The following PLSCR4 variants were observed in gnomAD, a reference collection of about 807,000 sequenced individuals.
The protein encoded by PLSCR4 is phospholipid scramblase 4.
PLSCR4 carries 25 observed loss-of-function variants against 36.3 expected under a neutral mutation model. The ratio of observed to expected loss-of-function variants is 0.69; its 90% CI spans 0.50 to 0.96. The LOEUF (loss-of-function observed/expected upper bound fraction) is 0.96, where lower values mean the gene tolerates loss of function less well. Among genes scored for constraint, PLSCR4 ranks in the 40% least tolerant of loss-of-function variants. The pLI is 0.00. For missense variants in PLSCR4, 408 were observed against 414.7 expected (o/e 0.98, Z 0.14); for synonymous variants, 122 against 132.9 (o/e 0.92, Z 0.56).
At chr3:146,194,599 C>A (rs768872722) in intron 8 of PLSCR4, 144 bp from the exon 9 acceptor site, 5 of 569,048 alleles carry the variant, frequency 8.8e-6, no homozygotes, top group Non-Finnish European at 1.5e-5. Flanking sequence ...AGAGCACCTA[C>A]TGTGAAGAGC....
chr3:146,227,286 C>A (rs1009117366), intron 1 of PLSCR4, among the ~76,000 whole-genome samples: 4 of 152,084 alleles, frequency 2.6e-5, no homozygotes, highest in African/African-American at 9.7e-5. Context: ...GCATGATATG[C>A]ATACAGGGGA....
chr3:146,200,041 T>A lies in PLSCR4; in HGVS notation c.398-2A>T. 6.7e-7 allele frequency: 1 copy of A among 1,492,646 alleles called. No homozygotes were observed. Among genetic ancestry groups the A allele is most frequent in the Non-Finnish European group, 9.3e-7 (1 of 1,071,964 alleles). The allele number at this position is 1,492,646 out of a possible 1,614,324, so 92.5% of individuals were successfully genotyped here. On this transcript the variant is annotated splice_acceptor_variant, in intron 5 of 8. Transcript: ENST00000354952. LOFTEE classifies it high-confidence loss of function. Reference sequence around the variant, plus strand: ...TATTAGTTTCAAAACATGTCATCACTAAAAAATAAAATGAGTAAGTCTATA... The same window carrying A: ...TATTAGTTTCAAAACATGTCATCACAAAAAAATAAAATGAGTAAGTCTATA...
chr3:146,212,734 G>T (rs576280025), intron 3 of PLSCR4, among the ~76,000 whole-genome samples: 1 of 152,184 alleles, frequency 6.6e-6, no homozygotes, highest in South Asian at 2.1e-4. Flanking sequence ...GCTCTGGCTA[G>T]AACTTCCAGT....
At chr3:146,194,865 TG>T (rs1236296578) in intron 8 of PLSCR4, among the ~76,000 whole-genome samples, 2 of 152,202 alleles carry the variant, frequency 1.3e-5, no homozygotes, top group African/African-American at 4.8e-5. Context: ...GGATACCTAA[TG>T]TTATCTAAGT....
chr3:146,250,928 T>A (rs1192805390), intron 1 of PLSCR4, 32 bp downstream of exon 1: 1 of 152,206 alleles, frequency 6.6e-6, no homozygotes, highest in African/African-American at 2.4e-5. Flanking sequence ...CACCCTGTCC[T>A]GCTCTGCGCC....
intron 1 of PLSCR4, among the ~76,000 whole-genome samples, chr3:146,230,953 T>C (rs1040614526): frequency 1.3e-5 from 2 of 152,148 alleles, no homozygotes; most frequent in African/African-American, 4.8e-5. Context: ...GGTGTACAAA[T>C]GACTTCATCA....
At chr3:146,244,601 C>T (rs767907639) in intron 1 of PLSCR4, among the ~76,000 whole-genome samples, 3 of 151,968 alleles carry the variant, frequency 2.0e-5, no homozygotes, top group Non-Finnish European at 4.4e-5. Flanking sequence ...ACCCCATGAA[C>T]CATGCCTATA....
Position 146,206,774 on chromosome 3 carries a change from G to C in PLSCR4, c.119-13C>G, listed in dbSNP as rs1046780386. On this transcript the variant is annotated splice_polypyrimidine_tract_variant and intron_variant, in intron 3 of 8. Transcript: ENST00000354952. Reference sequence around the variant, plus strand: ...GTTCCAGGGGGTCCTGTGTTCAAAAGAAATCAAAGTGTTATATATTATTAA... The same window carrying C: ...GTTCCAGGGGGTCCTGTGTTCAAAACAAATCAAAGTGTTATATATTATTAA... 6 of 1,508,206 alleles carry C rather than the reference G, an allele frequency of 4.0e-6. No homozygotes were observed. In the African/African-American group the frequency reaches 7.0e-5, roughly 17 times the overall value. 93.4% of individuals were successfully genotyped at this position (1,508,206 alleles called of 1,614,324 possible). A position where few individuals can be genotyped will look rare whatever the true frequency, so the allele number is the denominator to read the frequency against.
chr3:146,199,578 A>G (rs905333343), intron 6 of PLSCR4, among the ~76,000 whole-genome samples: 4 of 152,152 alleles, frequency 2.6e-5, no homozygotes, highest in African/African-American at 7.2e-5. Context: ...TTGACTACAC[A>G]TATGTCAATT....
At chr3:146,223,896 T>A (rs1019735858) in intron 1 of PLSCR4, 2 of 147,294 alleles carry the variant, frequency 1.4e-5, no homozygotes, top group Non-Finnish European at 3.0e-5. Flanking sequence ...TACATTTATA[T>A]TTTAAATATA....
intron 3 of PLSCR4, among the ~76,000 whole-genome samples, chr3:146,212,543 T>C (rs1336712815): frequency 1.3e-5 from 2 of 150,830 alleles, no homozygotes; most frequent in Non-Finnish European, 3.0e-5. Flanking sequence ...CTCAAATCCC[T>C]GGACTCAATT....
At chr3:146,248,834 T>C (rs2036442447) in intron 1 of PLSCR4, among the ~76,000 whole-genome samples, 1 of 152,200 alleles carries the variant, frequency 6.6e-6, no homozygotes, top group African/African-American at 2.4e-5. Context: ...CCAATTCACA[T>C]TTCCACTAAA....
intron 6 of PLSCR4, among the ~76,000 whole-genome samples, chr3:146,198,897 A>T (rs1413491541): frequency 2.0e-5 from 3 of 152,158 alleles, no homozygotes; most frequent in Non-Finnish European, 4.4e-5. Context: ...ATAACAAAGG[A>T]GTAAGATTTC....
At chr3:146,225,246 T>C (rs2108304556) in intron 1 of PLSCR4, among the ~76,000 whole-genome samples, 1 of 152,268 alleles carries the variant, frequency 6.6e-6, no homozygotes, top group East Asian at 1.9e-4. Flanking sequence ...TTACAGAGTG[T>C]CCATTGGTGC....
At chr3:146,249,560 T>C (rs1053638153) in intron 1 of PLSCR4, among the ~76,000 whole-genome samples, 4 of 151,630 alleles carry the variant, frequency 2.6e-5, no homozygotes, top group Non-Finnish European at 2.9e-5. Context: ...TTTTATTATA[T>C]GAAGAAGTCT....
chr3:146,225,788 G>A (rs544968690), intron 1 of PLSCR4, among the ~76,000 whole-genome samples: 98 of 152,284 alleles, frequency 6.4e-4, no homozygotes, highest in Non-Finnish European at 1.2e-3. Flanking sequence ...CGCCGCACGC[G>A]GTTGCCGCTG....
intron 1 of PLSCR4, among the ~76,000 whole-genome samples, chr3:146,234,212 C>G (rs765208630): frequency 6.6e-6 from 1 of 152,060 alleles, no homozygotes; most frequent in African/African-American, 2.4e-5. Context: ...ACATTTTTCT[C>G]TGGTATCCCT....
chr3:146,214,365 C>T (rs1419017259), intron 3 of PLSCR4, among the ~76,000 whole-genome samples: 1 of 9,902 alleles, frequency 1.0e-4, no homozygotes, highest in Non-Finnish European at 2.9e-4. Flanking sequence ...CCTCGTGATC[C>T]GCCCGCCTTG....
Position 146,192,503 on chromosome 3 carries a change from A to G in PLSCR4, c.*1908T>C, listed in dbSNP as rs2033443341. 1 of 151,480 alleles carries G rather than the reference A, an allele frequency of 6.6e-6. No homozygotes were observed. Among genetic ancestry groups the G allele is most frequent in the African/African-American group, 2.4e-5 (1 of 41,378 alleles). 9.4% of individuals were successfully genotyped at this position (151,480 alleles called of 1,614,324 possible). ...GTGAATTGTATTAAAACTATGACAT[A>G]TGACAATATTATATAAAGAAAATTT... On this transcript the variant is annotated 3_prime_UTR_variant, in exon 9 of 9. Transcript: ENST00000354952.
Sources: allele counts gnomAD v4.1 joint callset (sites outside exome capture counted in the v4.1 genomes callset), GRCh38; gene constraint gnomAD v4.1.1; transcripts MANE v1.5; gene names NCBI Gene and HGNC (gene_info 2026-07-23, HGNC 2026-07-21).